Variants in HCN1 observed in about 807,000 individuals in gnomAD.
The protein encoded by HCN1 is hyperpolarization activated cyclic nucleotide gated potassium channel 1.
HCN1 carries 13 observed loss-of-function variants against 78.9 expected under a neutral mutation model. The observed-to-expected ratio is 0.16, with a 90% confidence interval of 0.11 to 0.26. HCN1 has a LOEUF of 0.26. HCN1 is among the 10% of genes least tolerant of loss of function. HCN1 has a pLI of 1.00. For missense variants in HCN1, 810 were observed against 1,154.3 expected (o/e 0.70, Z 4.32); for synonymous variants, 552 against 455.5 (o/e 1.21, Z -2.70).
intron 2 of HCN1, among the ~76,000 whole-genome samples, chr5:45,499,409 C>T (rs547016115): frequency 6.6e-6 from 1 of 152,304 alleles, no homozygotes; most frequent in South Asian, 2.1e-4. Flanking sequence ...TGACCCCTTG[C>T]ACTTCCCAAG....
chr5:45,548,912 T>C lies in HCN1; in HGVS notation c.850-86905A>G, dbSNP rs566250427. Reference sequence around the variant, plus strand: ...CCATTCACAATTGCTTCAAAGAGAATAAAATACCTAGGAATCCAACTTACA... The same window carrying C: ...CCATTCACAATTGCTTCAAAGAGAACAAAATACCTAGGAATCCAACTTACA... On this transcript the variant is annotated intron_variant, in intron 2 of 7. Transcript: ENST00000303230. Among the ~76,000 whole-genome samples, 74 of 151,164 alleles carry C rather than the reference T, an allele frequency of 4.9e-4. No individual in the cohort carries two copies. The Middle Eastern group carries it at 0.01, about 21-fold the overall frequency.
intron 2 of HCN1, among the ~76,000 whole-genome samples, chr5:45,627,827 T>C (rs1345661141): frequency 6.6e-6 from 1 of 152,160 alleles, no homozygotes; most frequent in Non-Finnish European, 1.5e-5. Context: ...TGGCAGGGCA[T>C]TATCCATGAG....
rs537214378 is a variant in HCN1, at chr5:45,602,371, T to G, written c.849+42814A>C. 7.2e-5 allele frequency among the ~76,000 whole-genome samples: 11 copies of G among 152,236 alleles called. No individual in the cohort carries two copies. In the East Asian group the frequency reaches 2.1e-3, roughly 29 times the overall value. ...TGGACACACAAAGAGACGTCATGGA[T>G]GTGCACACAGAGGAAAGACCATGTG... On this transcript the variant is annotated intron_variant, in intron 2 of 7. Transcript: ENST00000303230.
chr5:45,422,259 T>C (rs1229352730), intron 3 of HCN1, among the ~76,000 whole-genome samples: 1 of 152,174 alleles, frequency 6.6e-6, no homozygotes, highest in Non-Finnish European at 1.5e-5. Flanking sequence ...AGCATAAAAA[T>C]ACAGGTATGC....
chr5:45,432,334 A>G (rs1740479914), intron 3 of HCN1, among the ~76,000 whole-genome samples: 1 of 152,118 alleles, frequency 6.6e-6, no homozygotes, highest in Admixed American at 6.6e-5. Context: ...GCTTTTTGGT[A>G]GAGTCTATGG....
In HCN1 at chr5:45,692,420, G is replaced by A. The variant is rs139151195; in HGVS notation, c.425+3249C>T. On this transcript the variant is annotated intron_variant, in intron 1 of 7. Transcript: ENST00000303230. ...ACCATACTGTCACTACAGAAAAATC[G>A]AGCTACATTTGTTTTTAAGTAACTA... 4.7e-4 allele frequency among the ~76,000 whole-genome samples: 71 copies of A among 152,146 alleles called. 1 individual carries two copies. Among genetic ancestry groups the A allele is most frequent in the East Asian group, 3.9e-4 (2 of 5,184 alleles).
chr5:45,616,893 G>T (rs972051512), intron 2 of HCN1, among the ~76,000 whole-genome samples: 1 of 151,860 alleles, frequency 6.6e-6, no homozygotes, highest in African/African-American at 2.4e-5. Context: ...TAGAAATGTT[G>T]CTTACTCTAC....
In HCN1 at chr5:45,267,121, T is replaced by C; in HGVS notation, c.1751A>G (p.Glu584Gly). ...EEYPMMRRAF[E>G]TVAIDRLDRI... is the part of the protein sequence containing the mutation. Reference sequence around the variant, plus strand: ...ATCTAGTCGGTCAATGGCAACTGTCTCAAAGGCTCTCCTCATCATTGGATA... The same window carrying C: ...ATCTAGTCGGTCAATGGCAACTGTCCCAAAGGCTCTCCTCATCATTGGATA... The change falls in exon 7 of 8, where the codon GAG becomes GGG. Residue 584 changes from glutamate to glycine, a missense_variant. Around this residue, in one of 6 missense-constraint regions of HCN1, gnomAD observed 36 missense variants for 58.5 expected, o/e 0.62. Coordinates refer to ENST00000303230, the MANE Select transcript of HCN1 (RefSeq NM_021072.4). 6.2e-7 allele frequency: 1 copy of C among 1,613,948 alleles called. No individual in the cohort carries two copies. Among genetic ancestry groups the C allele is most frequent in the Non-Finnish European group, 8.5e-7 (1 of 1,179,856 alleles).
rs773733358 is a variant in HCN1 at position 45,333,084 on chromosome 5, G to A, written c.1377+20016C>T. Reference sequence around the variant, plus strand: ...CTCCAAACTGTTTTCCATAGTGGTCGTACTAATTTACATTCCCACCAACAG... The same window carrying A: ...CTCCAAACTGTTTTCCATAGTGGTCATACTAATTTACATTCCCACCAACAG... On this transcript the variant is annotated intron_variant, in intron 5 of 7. Transcript: ENST00000303230. Among the ~76,000 whole-genome samples the A allele has an allele frequency of 7.9e-5, 12 of 151,760 alleles. No individual in the cohort carries two copies. The East Asian group carries it at 1.4e-3, about 17-fold the overall frequency.
chr5:45,325,118 G>C (rs1007749434), intron 5 of HCN1, among the ~76,000 whole-genome samples: 15 of 151,636 alleles, frequency 9.9e-5, no homozygotes, highest in Non-Finnish European at 2.9e-5. Flanking sequence ...ATGGCTCTGA[G>C]GTAGACAAGG....
chr5:45,334,796 T>C (rs773919681), intron 5 of HCN1, among the ~76,000 whole-genome samples: 8 of 152,148 alleles, frequency 5.3e-5, no homozygotes, highest in Non-Finnish European at 1.0e-4. Context: ...TTGTTATTTA[T>C]GCCTGTTACA....
intron 5 of HCN1, among the ~76,000 whole-genome samples, chr5:45,329,514 T>C (rs892140817): frequency 6.6e-6 from 1 of 151,430 alleles, no homozygotes; most frequent in African/African-American, 2.4e-5. Flanking sequence ...TCTGCTCCAC[T>C]CCCCTTTCTG....
At chr5:45,643,510 G>C (rs1191410014) in intron 2 of HCN1, 22 of 151,918 alleles carry the variant, frequency 1.4e-4, no homozygotes, top group Admixed American at 1.4e-3. Context: ...TCTATAAAAT[G>C]GTAGAATATT....
intron 3 of HCN1, among the ~76,000 whole-genome samples, chr5:45,443,758 C>T (rs1740730076): frequency 6.6e-6 from 1 of 151,976 alleles, no homozygotes; most frequent in South Asian, 2.1e-4. Context: ...TAATTGTGTT[C>T]CAAATAGAAA....
chr5:45,511,939 T>G (rs776140732), intron 2 of HCN1, among the ~76,000 whole-genome samples: 14 of 152,066 alleles, frequency 9.2e-5, no homozygotes, highest in Admixed American at 2.0e-4. Flanking sequence ...AATATAAAAC[T>G]ATTACAAATT....
intron 2 of HCN1, among the ~76,000 whole-genome samples, chr5:45,531,732 A>G (rs560089714): frequency 6.6e-6 from 1 of 151,716 alleles, no homozygotes; most frequent in Non-Finnish European, 1.5e-5. Context: ...TTTTTTTTCA[A>G]ATATGTTCCA....
intron 3 of HCN1, among the ~76,000 whole-genome samples, chr5:45,412,732 T>C (rs551160188): frequency 6.9e-6 from 1 of 145,014 alleles, no homozygotes; most frequent in Non-Finnish European, 1.5e-5. Flanking sequence ...TTTGCCCCAG[T>C]AGGGTTCAGG....
chr5:45,547,704 A>G (rs79125330), intron 2 of HCN1, among the ~76,000 whole-genome samples: 10,923 of 151,884 alleles, frequency 0.072, 571 homozygotes, highest in Middle Eastern at 0.15. Flanking sequence ...ACTGTGTGTC[A>G]AGCCATTTTT....
chr5:45,692,948 C>A (rs187602899), intron 1 of HCN1, among the ~76,000 whole-genome samples: 359 of 152,164 alleles, frequency 2.4e-3, no homozygotes, highest in African/African-American at 8.2e-3. Context: ...TAATAACTCC[C>A]CACTCTTCAT....
Sources: gnomAD v4.1 joint callset for allele counts (sites outside exome capture counted in the v4.1 genomes callset) on GRCh38, gnomAD v4.1.1 for gene constraint, gnomAD v4.1.1 regional missense constraint, MANE v1.5 for transcripts, NCBI Gene and HGNC (gene_info 2026-07-23, HGNC 2026-07-21) for gene names.